The following PPP6R2 variants were observed in gnomAD, a reference collection of about 807,000 sequenced individuals.
PPP6R2 encodes protein phosphatase 6 regulatory subunit 2.
Under a neutral mutation model 100.2 loss-of-function variants are expected in PPP6R2, and 62 were observed. The observed-to-expected ratio is 0.62, with a 90% confidence interval of 0.50 to 0.76. The LOEUF (loss-of-function observed/expected upper bound fraction) is 0.76. PPP6R2 is among the 30% of genes least tolerant of loss of function. PPP6R2 has a pLI of 0.00. For missense variants in PPP6R2, 1,142 were observed against 1,276.3 expected (o/e 0.89, Z 1.60); for synonymous variants, 525 against 514.7 (o/e 1.02, Z -0.27).
chr22:50,406,938 G>C, intron 4 of PPP6R2, 63 bp downstream of exon 4: 1 of 1,507,750 alleles, frequency 6.6e-7, no homozygotes, highest in Non-Finnish European at 9.2e-7. Context: ...GACGTGTCCT[G>C]CTGTGAGCCT....
chr22:50,439,893 G>C, intron 20 of PPP6R2, 36 bp downstream of exon 20: 1 of 1,608,038 alleles, frequency 6.2e-7, no homozygotes, highest in Non-Finnish European at 8.5e-7. Flanking sequence ...GCTGTGCCAG[G>C]AAGTGCCTGT....
intron 10 of PPP6R2, among the ~76,000 whole-genome samples, chr22:50,427,790 G>C (rs543236211): frequency 6.6e-6 from 1 of 152,096 alleles, no homozygotes; most frequent in African/African-American, 2.4e-5. Context: ...GCGCGATCTC[G>C]GCTCACTGCA....
At chr22:50,348,181 C>G (rs149488938) in intron 1 of PPP6R2, among the ~76,000 whole-genome samples, 1 of 152,092 alleles carries the variant, frequency 6.6e-6, no homozygotes, top group Non-Finnish European at 1.5e-5. Context: ...CTCATTAAGC[C>G]GTTCCTTGCA....
At chr22:50,346,189 GC>G (rs571204259) in intron 1 of PPP6R2, among the ~76,000 whole-genome samples, 534 of 16,584 alleles carry the variant, frequency 0.032, 33 homozygotes, top group South Asian at 0.065. Flanking sequence ...CCCAGTCAGT[GC>G]CCCCCCCAAG....
intron 3 of PPP6R2, among the ~76,000 whole-genome samples, chr22:50,396,537 C>T (rs2056927270): frequency 6.6e-6 from 1 of 151,724 alleles, no homozygotes; most frequent in Non-Finnish European, 1.5e-5. Flanking sequence ...TTTTGTCACA[C>T]ACATGAAAAC....
intron 12 of PPP6R2, 148 bp downstream of exon 12, chr22:50,432,477 G>A (rs1440164167): frequency 4.0e-6 from 3 of 749,452 alleles, no homozygotes; most frequent in Non-Finnish European, 6.7e-6. Context: ...TTCTGGGGCT[G>A]CTGTGCAAGG....
Position 50,423,410 on chromosome 22 carries a change from G to C in PPP6R2, c.973-52G>C. 2 of 1,608,294 alleles carry C rather than the reference G, an allele frequency of 1.2e-6. No individual in the cohort carries two copies. On this transcript the variant is annotated intron_variant, in intron 9 of 23. Transcript: ENST00000612753. The surrounding 1 kb of genome is among the most constrained non-coding windows in gnomAD (Gnocchi z 4.8). Reference sequence around the variant, plus strand: ...GGGCATGAGCCCAGAGACTCCAGCAGTGGCCTCACTGCTCACAGGGCCTAA... The same window carrying C: ...GGGCATGAGCCCAGAGACTCCAGCACTGGCCTCACTGCTCACAGGGCCTAA...
In PPP6R2 at chr22:50,435,096, C is replaced by T. The variant is rs1228006374; in HGVS notation, c.1516+15C>T. Reference sequence around the variant, plus strand: ...GGTCATCCGAGGTGAGCCCCCAACCCGGTCATCCTTCTGCTGGTCGCGGGC... The same window carrying T: ...GGTCATCCGAGGTGAGCCCCCAACCTGGTCATCCTTCTGCTGGTCGCGGGC... On this transcript the variant is annotated intron_variant, in intron 13 of 23. Transcript: ENST00000612753. 27 of 1,515,190 alleles carry T rather than the reference C, an allele frequency of 1.8e-5. No homozygotes were observed. Among genetic ancestry groups the T allele is most frequent in the East Asian group, 2.4e-5 (1 of 41,386 alleles). 93.9% of individuals were successfully genotyped at this position (1,515,190 alleles called of 1,614,324 possible). A position where few individuals can be genotyped will look rare whatever the true frequency, so the allele number is the denominator to read the frequency against.
chr22:50,444,334 TTAA>T lies in PPP6R2; in HGVS notation c.*89_*91del. Reference sequence around the variant, plus strand: ...CCTGGTGATGCAATCTTTTTTTTTTTTAATTTAATTTAATTTTAAAATAAATGC... The same window carrying T: ...CCTGGTGATGCAATCTTTTTTTTTTTTTTAATTTAATTTTAAAATAAATGC... On this transcript the variant is annotated 3_prime_UTR_variant, in exon 24 of 24. Coordinates refer to ENST00000612753, the MANE Select transcript of PPP6R2 (RefSeq NM_001242898.2). 7.4e-7 allele frequency: 1 copy of T among 1,349,868 alleles called. No individual in the cohort carries two copies. Among genetic ancestry groups the T allele is most frequent in the Non-Finnish European group, 1.0e-6 (1 of 991,234 alleles). The allele number at this position is 1,349,868 out of a possible 1,614,324, so 83.6% of individuals were successfully genotyped here. A position where few individuals can be genotyped will look rare whatever the true frequency, so the allele number is the denominator to read the frequency against.
intron 13 of PPP6R2, among the ~76,000 whole-genome samples, chr22:50,435,349 T>C (rs193285672): frequency 2.2e-4 from 33 of 152,316 alleles, no homozygotes; most frequent in African/African-American, 7.7e-4. Context: ...CCCGGGGTAG[T>C]TGGTGACTCC....
intron 1 of PPP6R2, among the ~76,000 whole-genome samples, chr22:50,346,887 C>A (rs1031272473): frequency 1.3e-5 from 2 of 151,148 alleles, no homozygotes; most frequent in African/African-American, 2.4e-5. Flanking sequence ...CCTGCACCCC[C>A]ACCCGTACCC....
intron 1 of PPP6R2, among the ~76,000 whole-genome samples, chr22:50,355,733 G>A (rs1470577864): frequency 1.4e-5 from 2 of 143,414 alleles, no homozygotes; most frequent in African/African-American, 5.2e-5. Context: ...GTGTTAGCCA[G>A]GATGGTCTCG....
intron 10 of PPP6R2, among the ~76,000 whole-genome samples, chr22:50,425,694 T>A (rs1013289899): frequency 7.2e-5 from 11 of 151,876 alleles, no homozygotes; most frequent in Non-Finnish European, 1.6e-4. Flanking sequence ...ATGCTCGTCA[T>A]CTGATGTGCG....
intron 4 of PPP6R2, among the ~76,000 whole-genome samples, chr22:50,408,545 A>T (rs567502232): frequency 6.6e-6 from 1 of 152,220 alleles, no homozygotes; most frequent in East Asian, 1.9e-4. Context: ...TGCTGGCAGA[A>T]TGGGAGTGGG....
the PPP6R2 span, among the ~76,000 whole-genome samples, chr22:50,337,967 GGT>G: frequency 1.5e-5 from 2 of 133,272 alleles, no homozygotes; most frequent in Admixed American, 7.6e-5. Flanking sequence ...GGTGTGTGTG[GGT>G]GTGTGTGCTG....
rs754139708 is a variant in PPP6R2, at chr22:50,414,620, G to A, written c.483G>A (p.Ala161=). ...SLVLKHIGTS[A]LMDLLLRLVS... ...TGTTGAAGCACATCGGCACCTCAGC[G>A]CTTATGGACCTGCTGCTGCGCCTGG... Residue 161 remains alanine, a synonymous_variant, in exon 5 of 24, where the codon GCG becomes GCA. Transcript: ENST00000612753. The A allele has an allele frequency of 9.9e-6, 16 of 1,613,746 alleles. No homozygotes were observed. Among genetic ancestry groups the A allele is most frequent in the Non-Finnish European group, 1.3e-5 (15 of 1,179,994 alleles).
At chr22:50,341,051 C>T (rs570326122), upstream of PPP6R2, among the ~76,000 whole-genome samples, 22 of 152,218 alleles carry the variant, frequency 1.4e-4, no homozygotes, top group Admixed American at 1.2e-3. Flanking sequence ...GCTGGGACTG[C>T]AGGCGCCCGC....
Position 50,437,140 on chromosome 22 carries a change from C to T in PPP6R2, c.1683+72C>T, listed in dbSNP as rs2064497356. On this transcript the variant is annotated intron_variant, in intron 15 of 23. Transcript: ENST00000612753. ...CCTGTGTGCGCTGCGCTTGGTCCTCCAGACGAGTCTGATGGCATCTCACTA... is the reference window on the plus strand; with the variant it reads ...CCTGTGTGCGCTGCGCTTGGTCCTCTAGACGAGTCTGATGGCATCTCACTA... 43 of 1,391,718 alleles carry T rather than the reference C, an allele frequency of 3.1e-5. No homozygotes were observed. The South Asian group carries it at 5.3e-4, about 17-fold the overall frequency. 86.2% of individuals were successfully genotyped at this position (1,391,718 alleles called of 1,614,324 possible). A position where few individuals can be genotyped will look rare whatever the true frequency, so the allele number is the denominator to read the frequency against.
chr22:50,387,088 T>G (rs949004342), intron 2 of PPP6R2, among the ~76,000 whole-genome samples: 1 of 152,122 alleles, frequency 6.6e-6, no homozygotes, highest in Non-Finnish European at 1.5e-5. Context: ...TGAGACAGGG[T>G]CTTGCTCTAT....
Sources: allele counts gnomAD v4.1 joint callset (sites outside exome capture counted in the v4.1 genomes callset), GRCh38; gene constraint gnomAD v4.1.1; non-coding constraint Gnocchi (gnomAD v3.1); transcripts MANE v1.5; gene names NCBI Gene and HGNC (gene_info 2026-07-23, HGNC 2026-07-21).